The following MSL1 variants were observed in gnomAD, a reference collection of about 807,000 sequenced individuals.
MSL1 encodes the protein male-specific lethal 1 homolog.
MSL1 carries 21 observed loss-of-function variants against 64.6 expected under a neutral mutation model. The ratio of observed to expected loss-of-function variants is 0.33; its 90% confidence interval spans 0.23 to 0.47. The LOEUF is 0.47. MSL1 is among the 20% of genes least tolerant of loss of function. The pLI is 1.00. For missense variants in MSL1, 664 were observed against 793.2 expected (o/e 0.84, Z 1.96); for synonymous variants, 339 against 329.6 (o/e 1.03, Z -0.31).
chr17:40,133,067 A>G lies in MSL1; in HGVS notation c.1514A>G (p.Lys505Arg), dbSNP rs753268849. ...AACCTGGATGACAGTGTGTTTTCGA[A>G]GCGGCATGCAAAACTGGAGCTGGAT... is the stretch of plus-strand genomic sequence containing the variant. The part of the protein sequence containing the change: ...LENLDDSVFS[K>R]RHAKLELDEK... The change falls in exon 6 of 9, where the codon AAG becomes AGG. Residue 505 changes from lysine to arginine, a missense_variant. Physicochemically the swap from Lys to Arg is conservative, Grantham distance 26. Around this residue, in one of 4 missense-constraint regions of MSL1, gnomAD observed 119 missense variants for 164.3 expected, o/e 0.72. Coordinates refer to ENST00000398532, the MANE Select transcript of MSL1 (RefSeq NM_001365919.1). The G allele has an allele frequency of 3.7e-6, 6 of 1,611,442 alleles. No individual in the cohort carries two copies. Among genetic ancestry groups the G allele is most frequent in the Non-Finnish European group, 5.1e-6 (6 of 1,178,812 alleles).
chr17:40,134,468 C>T lies in MSL1; in HGVS notation c.*99C>T, dbSNP rs1231293247. The T allele has an allele frequency of 3.2e-6, 3 of 944,406 alleles. No individual in the cohort carries two copies. The highest frequency in any genetic ancestry group is 5.0e-6 in the Non-Finnish European group (3 of 602,580). 58.5% of individuals were successfully genotyped at this position (944,406 alleles called of 1,614,324 possible). ...TGACCTTTGTCCTCACATATGTTAT[C>T]ACTCGCTGATAATACCCTTTCATAC... On this transcript the variant is annotated 3_prime_UTR_variant, in exon 9 of 9. Transcript: ENST00000398532.
chr17:40,133,466 T>TTA, intron 6 of MSL1, 68 bp from the exon 7 acceptor site: 4 of 1,542,532 alleles, frequency 2.6e-6, no homozygotes, highest in Non-Finnish European at 3.5e-6. Flanking sequence ...TGAGTTGCTT[T>TTA]TATAGAGCAG....
intron 5 of MSL1, among the ~76,000 whole-genome samples, chr17:40,132,736 C>CAA (rs1988464855): frequency 6.6e-6 from 1 of 152,152 alleles, no homozygotes; most frequent in Non-Finnish European, 1.5e-5. Flanking sequence ...CAGACTCTTA[C>CAA]AAAGTATGGA....
chr17:40,123,264 C>A lies in MSL1; in HGVS notation c.652C>A (p.Gln218Lys). ...GGGGGSGASSQAACLKQILLL... is the reference protein window; with the variant it reads ...GGGGGSGASSKAACLKQILLL... ...TGGTGGCGGCTCGGGAGCCTCCAGT[C>A]AGGCCGCCTGCCTCAAACAGATCCT... Residue 218 changes from glutamine to lysine, a missense_variant, in exon 1 of 9, where the codon CAG becomes AAG. Around this residue, in one of 4 missense-constraint regions of MSL1, gnomAD observed 466 missense variants for 499.0 expected, o/e 0.93. Coordinates refer to ENST00000398532, the MANE Select transcript of MSL1 (RefSeq NM_001365919.1). 2 of 1,535,814 alleles carry A rather than the reference C, an allele frequency of 1.3e-6. No homozygotes were observed. The highest frequency in any genetic ancestry group is 1.7e-6 in the Non-Finnish European group (2 of 1,146,882).
intron 1 of MSL1, among the ~76,000 whole-genome samples, chr17:40,124,250 A>G (rs1988261635): frequency 1.3e-5 from 2 of 152,014 alleles, no homozygotes; most frequent in African/African-American, 4.8e-5. Flanking sequence ...TTACTGTGCT[A>G]GCATACCTTA....
Position 40,132,112 on chromosome 17 carries a change from A to G in MSL1, c.1488+14A>G, listed in dbSNP as rs1476203462. The G allele has an allele frequency of 6.3e-7, 1 of 1,579,100 alleles. No homozygotes were observed. Among genetic ancestry groups the G allele is most frequent in the Non-Finnish European group, 8.7e-7 (1 of 1,155,144 alleles). The stretch of plus-strand genomic sequence containing the variant: ...GACCTTTTGGAGGTAGGTAACCAAG[A>G]GCACTCAATTGAAGAGAGTAAGAGA... On this transcript the variant is annotated intron_variant, in intron 5 of 8. Coordinates refer to ENST00000398532, the MANE Select transcript of MSL1 (RefSeq NM_001365919.1).
intron 1 of MSL1, among the ~76,000 whole-genome samples, chr17:40,125,755 T>C (rs1196408658): frequency 1.3e-5 from 2 of 152,158 alleles, no homozygotes; most frequent in Non-Finnish European, 2.9e-5. Flanking sequence ...CAATCCAGCC[T>C]GGGCAACAAG....
chr17:40,132,057 G>C lies in MSL1; in HGVS notation c.1447G>C (p.Val483Leu). Reference sequence around the variant, plus strand: ...AGTTCCTTCTTGGAGGGACCACTCAGTAGAGCCTCTAAGGGACCCAAATCC... The same window carrying C: ...AGTTCCTTCTTGGAGGGACCACTCACTAGAGCCTCTAAGGGACCCAAATCC... ...LAVPSWRDHS[V>L]EPLRDPNPSD... Residue 483 changes from valine (V) to leucine (L), a missense_variant, in exon 5 of 9, where the codon GTA (valine) becomes CTA (leucine). Val to Leu is a conservative substitution (Grantham distance 32). Coordinates refer to ENST00000398532, the MANE Select transcript of MSL1 (RefSeq NM_001365919.1). 1 of 1,601,804 alleles carries C rather than the reference G, an allele frequency of 6.2e-7. No individual in the cohort carries two copies. The highest frequency in any genetic ancestry group is 8.5e-7 in the Non-Finnish European group (1 of 1,173,502).
chr17:40,136,384 C>T lies in MSL1; in HGVS notation c.*2015C>T, dbSNP rs1988540415. 1 of 152,294 alleles carries T rather than the reference C, an allele frequency of 6.6e-6. No homozygotes were observed. The highest frequency in any genetic ancestry group is 6.6e-5 in the Admixed American group (1 of 15,260). The allele number at this position is 152,294 out of a possible 1,614,324, so 9.4% of individuals were successfully genotyped here. On this transcript the variant is annotated 3_prime_UTR_variant, in exon 9 of 9. Coordinates refer to ENST00000398532, the MANE Select transcript of MSL1 (RefSeq NM_001365919.1). ...TGAGGACCTCTTATTTTATTGTCCCCTCTTCTAGGTTAATTCTCCTTTGAT... is the reference window on the plus strand; with the variant it reads ...TGAGGACCTCTTATTTTATTGTCCCTTCTTCTAGGTTAATTCTCCTTTGAT...
At chr17:40,130,607 G>A (rs1189661604) in intron 3 of MSL1, among the ~76,000 whole-genome samples, 2 of 152,198 alleles carry the variant, frequency 1.3e-5, no homozygotes, top group East Asian at 1.9e-4. Context: ...AGACAAGAGC[G>A]TTCTCCAGGC....
rs1189967173 is a variant in MSL1, at chr17:40,134,399, A to G, written c.*30A>G. On this transcript the variant is annotated 3_prime_UTR_variant, in exon 9 of 9. Coordinates refer to ENST00000398532, the MANE Select transcript of MSL1 (RefSeq NM_001365919.1). ...GCTGGCAAGAACCCTGTCTTCAGAT[A>G]GTTGTAGCATGCCATTCCCGAGAGT... 2.6e-6 allele frequency: 4 copies of G among 1,539,150 alleles called. No individual in the cohort carries two copies. Among genetic ancestry groups the G allele is most frequent in the Admixed American group, 2.0e-5 (1 of 50,992 alleles).
chr17:40,123,577 C>T (rs1215460420), intron 1 of MSL1, among the ~76,000 whole-genome samples, 197 bp downstream of exon 1: 1 of 151,480 alleles, frequency 6.6e-6, no homozygotes, highest in East Asian at 1.9e-4. Context: ...GGTTAAAGGG[C>T]AACCTCTCAG....
rs1235291805 is a variant in MSL1, at chr17:40,131,554, A to G, written c.1393A>G (p.Ser465Gly). ...ETVARCLMPS[S>G]VAGETSVLAV... is the part of the protein sequence containing the mutation. ...TTATTTAGGGTGTCTGATGCCATCA[A>G]GTGTTGCAGGAGAAACTTCAGTCTT... Residue 465 changes from serine to glycine, a missense_variant, in exon 4 of 9, where the codon AGT (serine) becomes GGT (glycine). Around this residue, in one of 4 missense-constraint regions of MSL1, gnomAD observed 119 missense variants for 164.3 expected, o/e 0.72. Transcript: ENST00000398532. The surrounding 1 kb of genome is among the most constrained non-coding windows in gnomAD (Gnocchi z 4.5). 2 of 1,613,692 alleles carry G rather than the reference A, an allele frequency of 1.2e-6. No homozygotes were observed. Among genetic ancestry groups the G allele is most frequent in the Non-Finnish European group, 1.7e-6 (2 of 1,179,810 alleles).
Position 40,122,448 on chromosome 17 carries a change from A to C in MSL1, c.-165A>C. 1 of 434,990 alleles carries C rather than the reference A, an allele frequency of 2.3e-6. No homozygotes were observed. The highest frequency in any genetic ancestry group is 3.7e-5 in the East Asian group (1 of 26,766). 26.9% of individuals were successfully genotyped at this position (434,990 alleles called of 1,614,324 possible). A position where few individuals can be genotyped will look rare whatever the true frequency, so the allele number is the denominator to read the frequency against. On this transcript the variant is annotated 5_prime_UTR_variant, in exon 1 of 9. An upstream start codon of the reference 5' UTR is lost. Transcript: ENST00000398532. The surrounding 1 kb of genome is among the most constrained non-coding windows in gnomAD (Gnocchi z 4.2). ...CTCCACGTCTCCGCACGCCGGCGGGATGGCGCCCGGGCCCCGGAGGAGCCG... is the reference window on the plus strand; with the variant it reads ...CTCCACGTCTCCGCACGCCGGCGGGCTGGCGCCCGGGCCCCGGAGGAGCCG...
rs766776486 is a variant in MSL1, at chr17:40,135,009, G to C, written c.*640G>C. The C allele has an allele frequency of 3.7e-4, 57 of 152,336 alleles. No individual in the cohort carries two copies. The highest frequency in any genetic ancestry group is 1.9e-4 in the East Asian group (1 of 5,338). The allele number at this position is 152,336 out of a possible 1,614,324, so 9.4% of individuals were successfully genotyped here. The stretch of plus-strand genomic sequence containing the variant: ...ATGTTTGGCTGTGATTATTTTTTCA[G>C]TTAATGGATAACAATTTCTTTACTG... On this transcript the variant is annotated 3_prime_UTR_variant, in exon 9 of 9. Coordinates refer to ENST00000398532, the MANE Select transcript of MSL1 (RefSeq NM_001365919.1).
Position 40,122,822 on chromosome 17 carries a change from C to T in MSL1, c.210C>T (p.Ser70=), listed in dbSNP as rs937569058. Residue 70 remains serine, a synonymous_variant, in exon 1 of 9, where the codon TCC becomes TCT. Transcript: ENST00000398532. The surrounding 1 kb of genome is among the most constrained non-coding windows in gnomAD (Gnocchi z 4.2). ...ASSQGGSPAP[S]PAGCGGKGRG... is the part of the protein sequence containing the mutation. ...CCCAGGGCGGGAGCCCCGCGCCTTCCCCGGCCGGCTGCGGCGGCAAGGGCC... is the reference window on the plus strand; with the variant it reads ...CCCAGGGCGGGAGCCCCGCGCCTTCTCCGGCCGGCTGCGGCGGCAAGGGCC... The T allele has an allele frequency of 5.1e-6, 7 of 1,369,982 alleles. No individual in the cohort carries two copies. In the African/African-American group the frequency reaches 1.1e-4, roughly 21 times the overall value. 84.9% of individuals were successfully genotyped at this position (1,369,982 alleles called of 1,614,324 possible).
Position 40,136,483 on chromosome 17 carries a change from G to A in MSL1, c.*2114G>A, listed in dbSNP as rs1310425384. 6.6e-6 allele frequency: 1 copy of A among 152,354 alleles called. No individual in the cohort carries two copies. The highest frequency in any genetic ancestry group is 1.5e-5 in the Non-Finnish European group (1 of 68,034). The allele number at this position is 152,354 out of a possible 1,614,324, so 9.4% of individuals were successfully genotyped here. A position where few individuals can be genotyped will look rare whatever the true frequency, so the allele number is the denominator to read the frequency against. ...GTGCAAAATTACAGTGTGTTAGAGT[G>A]TGGGGGGAAAATTAGTCTTATTTTT... On this transcript the variant is annotated 3_prime_UTR_variant, in exon 9 of 9. Transcript: ENST00000398532.
intron 5 of MSL1, 101 bp downstream of exon 5, chr17:40,132,199 T>C: frequency 1.2e-6 from 1 of 815,576 alleles, no homozygotes; most frequent in Non-Finnish European, 1.9e-6. Context: ...ATTAAATAAT[T>C]TTAAGGCCAG....
intron 6 of MSL1, chr17:40,133,314 A>C: frequency 1.4e-6 from 1 of 737,478 alleles, no homozygotes; most frequent in African/African-American, 1.8e-5. Flanking sequence ...TTTGTGTATG[A>C]CCTTCCTCAA....
Sources: gnomAD v4.1 joint callset for allele counts (sites outside exome capture counted in the v4.1 genomes callset) on GRCh38, gnomAD v4.1.1 for gene constraint, gnomAD v4.1.1 regional missense constraint, Gnocchi (gnomAD v3.1) non-coding constraint, MANE v1.5 for transcripts, NCBI Gene and HGNC (gene_info 2026-07-23, HGNC 2026-07-21) for gene names.